The following PTPRT variants were observed in gnomAD, a reference collection of about 807,000 sequenced individuals.
The protein encoded by PTPRT is protein tyrosine phosphatase receptor type T, also known as receptor-type tyrosine-protein phosphatase T.
PTPRT carries 56 observed loss-of-function variants against 176.8 expected under a neutral mutation model. That is an observed-to-expected ratio of 0.32 (90% CI 0.26 to 0.40). PTPRT has a LOEUF of 0.40. Ranked by LOEUF, PTPRT falls within the 10% of genes least tolerant of loss-of-function variation. The pLI is 1.00. For synonymous variants in PTPRT, 783 were observed against 739.0 expected, an observed-to-expected ratio of 1.06 and a Z score of -0.96; for missense variants, 1,540 against 1,908.2, an observed-to-expected ratio of 0.81 and a Z score of 3.60.
At chr20:42,895,996 G>C (rs952752089) in intron 1 of PTPRT, among the ~76,000 whole-genome samples, 1 of 152,106 alleles carries the variant, frequency 6.6e-6, no homozygotes, top group African/African-American at 2.4e-5. Flanking sequence ...TCCCGTCTCT[G>C]GGAACTGGAG....
intron 1 of PTPRT, among the ~76,000 whole-genome samples, chr20:42,886,563 G>A (rs770659268): frequency 1.3e-5 from 2 of 152,184 alleles, no homozygotes; most frequent in African/African-American, 4.8e-5. Flanking sequence ...AGTGAGAATC[G>A]AATTGGTAAG....
chr20:42,942,797 T>C (rs1366093879), intron 1 of PTPRT, among the ~76,000 whole-genome samples: 3 of 152,226 alleles, frequency 2.0e-5, no homozygotes, highest in Admixed American at 2.0e-4. Flanking sequence ...ATCAAGTTGA[T>C]AGAGGATTTT....
At chr20:42,090,393 G>A (rs1984486890) in intron 27 of PTPRT, among the ~76,000 whole-genome samples, 1 of 151,294 alleles carries the variant, frequency 6.6e-6, no homozygotes, top group African/African-American at 2.4e-5. Flanking sequence ...AAAATACAGA[G>A]ATCTGTGGGT....
At chr20:42,313,477 G>A (rs1327830739) in intron 12 of PTPRT, among the ~76,000 whole-genome samples, 2 of 152,006 alleles carry the variant, frequency 1.3e-5, no homozygotes, top group Non-Finnish European at 2.9e-5. Flanking sequence ...CACTCTTATG[G>A]TGAGGACATT....
intron 7 of PTPRT, among the ~76,000 whole-genome samples, chr20:42,576,381 C>A (rs1017433285): frequency 1.3e-5 from 2 of 152,182 alleles, no homozygotes; most frequent in African/African-American, 4.8e-5. Flanking sequence ...CATATCTACG[C>A]CTTGCAGCAC....
chr20:42,804,419 C>T (rs144547631), intron 2 of PTPRT, among the ~76,000 whole-genome samples: 37 of 152,312 alleles, frequency 2.4e-4, no homozygotes, highest in Non-Finnish European at 4.3e-4. Flanking sequence ...GGTCTCTGCA[C>T]TCTAGACCAC....
chr20:43,121,506 T>C (rs2013256862), intron 1 of PTPRT, among the ~76,000 whole-genome samples: 1 of 152,242 alleles, frequency 6.6e-6, no homozygotes, highest in Non-Finnish European at 1.5e-5. Flanking sequence ...TATCAGTTAA[T>C]GAATCTGGTG....
intron 1 of PTPRT, among the ~76,000 whole-genome samples, chr20:43,188,025 C>T (rs946459438): frequency 2.6e-5 from 4 of 152,150 alleles, no homozygotes; most frequent in Non-Finnish European, 2.9e-5. Context: ...ATTCGAGACC[C>T]GTGATGGAAT....
At chr20:42,383,870 A>G (rs2058718696) in intron 9 of PTPRT, among the ~76,000 whole-genome samples, 1 of 152,230 alleles carries the variant, frequency 6.6e-6, no homozygotes, top group South Asian at 2.1e-4. Flanking sequence ...AATAATTGAA[A>G]GGATTCTCCA....
In PTPRT at chr20:42,298,398, G is replaced by T. The variant is rs558832592; in HGVS notation, c.2140-15873C>A. On this transcript the variant is annotated intron_variant, in intron 12 of 30. Coordinates refer to ENST00000373187, the MANE Select transcript of PTPRT (RefSeq NM_007050.6). ...TCATACATTGCTGGGACAAATGCAAGTTGGTTTTACCCTTAAGGAAGGAAA... is the reference window on the plus strand; with the variant it reads ...TCATACATTGCTGGGACAAATGCAATTTGGTTTTACCCTTAAGGAAGGAAA... Among the ~76,000 whole-genome samples, 6 of 152,284 alleles carry T rather than the reference G, an allele frequency of 3.9e-5. No individual in the cohort carries two copies. The South Asian group carries it at 6.2e-4, about 16-fold the overall frequency.
intron 2 of PTPRT, among the ~76,000 whole-genome samples, chr20:42,834,183 G>T (rs896551203): frequency 6.6e-6 from 1 of 151,872 alleles, no homozygotes; most frequent in Non-Finnish European, 1.5e-5. Context: ...TTTTTTAAAC[G>T]GGCAAAAAAT....
At chr20:42,481,486 T>C (rs749024053) in intron 7 of PTPRT, among the ~76,000 whole-genome samples, 1 of 152,204 alleles carries the variant, frequency 6.6e-6, no homozygotes, top group Non-Finnish European at 1.5e-5. Flanking sequence ...TTTATTATGC[T>C]AGTCCACAGG....
chr20:43,121,259 G>C (rs2013247501), intron 1 of PTPRT, among the ~76,000 whole-genome samples: 1 of 152,112 alleles, frequency 6.6e-6, no homozygotes, highest in Non-Finnish European at 1.5e-5. Flanking sequence ...TTCTACTATG[G>C]GCTTTGGGGT....
the PTPRT span, among the ~76,000 whole-genome samples, chr20:42,037,071 A>G: frequency 6.6e-6 from 1 of 152,218 alleles, no homozygotes; most frequent in Non-Finnish European, 1.5e-5. Context: ...CTCCATGGCC[A>G]TGCAGCAGAA....
At chr20:42,128,665 GC>G in intron 19 of PTPRT, 88 bp downstream of exon 19, 3 of 1,212,428 alleles carry the variant, frequency 2.5e-6, no homozygotes, top group Non-Finnish European at 3.4e-6. Context: ...CTCTGGAAGG[GC>G]CACCTTCTGG....
chr20:42,393,203 T>C (rs1387113821), intron 9 of PTPRT, among the ~76,000 whole-genome samples: 2 of 152,216 alleles, frequency 1.3e-5, no homozygotes, highest in Non-Finnish European at 2.9e-5. Flanking sequence ...GAAGGTGAGA[T>C]ATCCTCCTAC....
chr20:42,215,489 G>A (rs577841233), intron 15 of PTPRT, among the ~76,000 whole-genome samples: 10 of 152,216 alleles, frequency 6.6e-5, no homozygotes, highest in African/African-American at 1.7e-4. Flanking sequence ...CCAGCAATCC[G>A]CATGACTTTT....
intron 7 of PTPRT, among the ~76,000 whole-genome samples, chr20:42,596,496 C>T (rs2073673419): frequency 6.6e-6 from 1 of 152,212 alleles, no homozygotes; most frequent in Non-Finnish European, 1.5e-5. Context: ...TCATATCCCT[C>T]CTCACCAAAT....
intron 7 of PTPRT, among the ~76,000 whole-genome samples, chr20:42,479,245 A>G (rs1410439807): frequency 6.6e-6 from 1 of 152,238 alleles, no homozygotes; most frequent in Non-Finnish European, 1.5e-5. Context: ...CCTGTAGCAT[A>G]TGTACTGTTC....
Sources: gnomAD v4.1 joint callset for allele counts (sites outside exome capture counted in the v4.1 genomes callset) on GRCh38, gnomAD v4.1.1 for gene constraint, MANE v1.5 for transcripts, NCBI Gene and HGNC (gene_info 2026-07-23, HGNC 2026-07-21) for gene names.